Variants in MN1 observed in about 807,000 individuals in gnomAD.
The protein encoded by MN1 is transcriptional activator MN1.
Under a neutral mutation model 86.9 loss-of-function variants are expected in MN1, and 19 were observed. That is an observed-to-expected ratio of 0.22 (90% confidence interval 0.15 to 0.32). MN1 has a LOEUF of 0.32. Ranked by LOEUF, MN1 falls within the 10% of genes least tolerant of loss-of-function variation. MN1 has a pLI of 1.00. For missense variants in MN1, 1,841 were observed against 1,862.0 expected, an observed-to-expected ratio of 0.99 and a Z score of 0.21; for synonymous variants, 928 against 849.6, an observed-to-expected ratio of 1.09 and a Z score of -1.60.
intron 1 of MN1, among the ~76,000 whole-genome samples, chr22:27,776,801 T>C (rs1265077238): frequency 2.6e-5 from 4 of 152,120 alleles, no homozygotes; most frequent in African/African-American, 9.7e-5. Flanking sequence ...CCTGGTCATC[T>C]GGGGTTAAGA....
rs375912597 is a variant in MN1 at position 27,777,832 on chromosome 22, C to T, written c.3781+18931G>A. On this transcript the variant is annotated intron_variant, in intron 1 of 1. Transcript: ENST00000302326. ...CGGAGGATGCAATGAGCCGAGATCA[C>T]GCCACTGCACTCCAGCCTGGGCCAC... 8.9e-4 allele frequency among the ~76,000 whole-genome samples: 135 copies of T among 151,074 alleles called. 4 individuals are homozygous for T. In the South Asian group the frequency reaches 0.028, roughly 31 times the overall value.
In MN1 at chr22:27,797,933, C is replaced by T. The variant is rs759248065; in HGVS notation, c.2611G>A (p.Ala871Thr). Residue 871 changes from alanine (A) to threonine (T), a missense_variant, in exon 1 of 2, where the codon GCC (alanine) becomes ACC (threonine). Ala to Thr is a moderately conservative substitution (Grantham distance 58, BLOSUM62 0). Transcript: ENST00000302326. ...SQNETDGAAV[A>T]GNPGSDYFPG... ...AAGTAATCCGAGCCCGGGTTGCCGG[C>T]CACTGCCGCGCCGTCGGTCTCGTTC... 6.3e-7 allele frequency: 1 copy of T among 1,599,124 alleles called. No individual in the cohort carries two copies. The highest frequency in any genetic ancestry group is 1.1e-5 in the South Asian group (1 of 89,432).
intron 1 of MN1, among the ~76,000 whole-genome samples, chr22:27,774,447 GT>G (rs1478391430): frequency 6.6e-6 from 1 of 152,164 alleles, no homozygotes; most frequent in Non-Finnish European, 1.5e-5. Context: ...ACAGCCCCAG[GT>G]CGGAGGTCCA....
Position 27,800,888 on chromosome 22 carries a change from A to T in MN1, c.-345T>A. ...CGCGGATGAACGGAGACAAAAAGTT[A>T]AGTGGGGGGAATGGGGAGGGAAGGG... On this transcript the variant is annotated 5_prime_UTR_variant, in exon 1 of 2. Transcript: ENST00000302326. 2.7e-6 allele frequency: 1 copy of T among 363,924 alleles called. No homozygotes were observed. The highest frequency in any genetic ancestry group is 5.1e-6 in the Non-Finnish European group (1 of 196,512). 22.5% of individuals were successfully genotyped at this position (363,924 alleles called of 1,614,324 possible). A position where few individuals can be genotyped will look rare whatever the true frequency, so the allele number is the denominator to read the frequency against.
chr22:27,797,474 G>A lies in MN1; in HGVS notation c.3070C>T (p.Leu1024Phe). Residue 1024 changes from leucine (L) to phenylalanine (F), a missense_variant, in exon 1 of 2, where the codon CTC (leucine) becomes TTC (phenylalanine). By Grantham distance (22) the Leu-to-Phe change is conservative (BLOSUM62 0). Coordinates refer to ENST00000302326, the MANE Select transcript of MN1 (RefSeq NM_002430.3). Reference sequence around the variant, plus strand: ...GCCCCGCCGTCCAGGGACCCAATGAGGTCCGGCTGATCCCCCAGGAGCAAC... The same window carrying A: ...GCCCCGCCGTCCAGGGACCCAATGAAGTCCGGCTGATCCCCCAGGAGCAAC... ...AELLLGDQPD[L>F]IGSLDGGAKS... is the part of the protein sequence containing the mutation. 1.3e-6 allele frequency: 2 copies of A among 1,598,134 alleles called. No individual in the cohort carries two copies. The highest frequency in any genetic ancestry group is 1.7e-6 in the Non-Finnish European group (2 of 1,172,068).
At chr22:27,792,317 CATATATATATATATATATATATAT>C (rs36207111) in intron 1 of MN1, among the ~76,000 whole-genome samples, 2 of 114,046 alleles carry the variant, frequency 1.8e-5, no homozygotes, top group Non-Finnish European at 3.8e-5. Context: ...ATAAAAATTG[CATATATATATATATATATATATAT>C]ATATATATAT....
intron 1 of MN1, among the ~76,000 whole-genome samples, chr22:27,761,878 C>A (rs1346570242): frequency 6.6e-6 from 1 of 152,150 alleles, no homozygotes. Flanking sequence ...GAGAACTGGC[C>A]GAGGGCTCCA....
At position 27,800,773 on chromosome 22, in the gene MN1, G is replaced by A; in HGVS notation, c.-230C>T. ...GGGGAGGGCCTCTCACATCTTGCGAGGCCGCGGGGCCTCTAGGAGCCGTGT... is the reference window on the plus strand; with the variant it reads ...GGGGAGGGCCTCTCACATCTTGCGAAGCCGCGGGGCCTCTAGGAGCCGTGT... On this transcript the variant is annotated 5_prime_UTR_variant, in exon 1 of 2. Transcript: ENST00000302326. 1 of 598,936 alleles carries A rather than the reference G, an allele frequency of 1.7e-6. No individual in the cohort carries two copies. The highest frequency in any genetic ancestry group is 2.9e-6 in the Non-Finnish European group (1 of 343,378). The allele number at this position is 598,936 out of a possible 1,614,324, so 37.1% of individuals were successfully genotyped here.
In MN1 at chr22:27,799,920, G is replaced by T; in HGVS notation, c.624C>A (p.Ser208=). Residue 208 remains serine (S), a synonymous_variant, in exon 1 of 2, where the codon TCC becomes TCA. Coordinates refer to ENST00000302326, the MANE Select transcript of MN1 (RefSeq NM_002430.3). ...NRAASFHGLP[S]SSGSDSHSLE... is the part of the protein sequence containing the mutation. Reference sequence around the variant, plus strand: ...GACTGTGGGAATCGGAGCCGCTGGAGGACGGCAGGCCGTGGAAGGAGGCGG... The same window carrying T: ...GACTGTGGGAATCGGAGCCGCTGGATGACGGCAGGCCGTGGAAGGAGGCGG... 6.2e-7 allele frequency: 1 copy of T among 1,603,388 alleles called. No individual in the cohort carries two copies.
At chr22:27,783,388 TC>T (rs1933080145) in intron 1 of MN1, among the ~76,000 whole-genome samples, 1 of 152,180 alleles carries the variant, frequency 6.6e-6, no homozygotes, top group South Asian at 2.1e-4. Context: ...TGCCTCAGCT[TC>T]CCAAAGTGCT....
In MN1 at chr22:27,800,045, G is replaced by T; in HGVS notation, c.499C>A (p.Pro167Thr). ...AESQGPESFGPQRPGNLPDFH... is the reference protein window; with the variant it reads ...AESQGPESFGTQRPGNLPDFH... ...TCCGGGAGGTTCCCCGGTCGCTGCG[G>T]GCCGAAGCTCTCAGGCCCCTGGCTC... The change falls in exon 1 of 2, where the codon CCG becomes ACG. Residue 167 changes from proline to threonine, a missense_variant. Physicochemically the swap from Pro to Thr is conservative, Grantham distance 38 (BLOSUM62 -1). Transcript: ENST00000302326. The T allele has an allele frequency of 6.2e-7, 1 of 1,602,270 alleles. No individual in the cohort carries two copies. The highest frequency in any genetic ancestry group is 8.5e-7 in the Non-Finnish European group (1 of 1,179,262).
At chr22:27,764,177 T>A (rs1218253996) in intron 1 of MN1, among the ~76,000 whole-genome samples, 1 of 152,154 alleles carries the variant, frequency 6.6e-6, no homozygotes, top group Non-Finnish European at 1.5e-5. Context: ...CGAGAATCCA[T>A]CAAAATTAAT....
At position 27,799,612 on chromosome 22, in the gene MN1, C is replaced by T. The variant is rs1217475664; in HGVS notation, c.932G>A (p.Gly311Asp). 6.5e-7 allele frequency: 1 copy of T among 1,542,184 alleles called. No individual in the cohort carries two copies. Among genetic ancestry groups the T allele is most frequent in the Non-Finnish European group, 8.7e-7 (1 of 1,142,880 alleles). ...CCCACTGAACCTCTCAAAGAACACA[C>T]CATGCTGCTGCTGCTGCTGCTGGGG... ...QQPQQQQQQHGVFFERFSGAR... is the reference protein window; with the variant it reads ...QQPQQQQQQHDVFFERFSGAR... Residue 311 changes from glycine to aspartate, a missense_variant, in exon 1 of 2, where the codon GGT becomes GAT. By Grantham distance (94) the Gly-to-Asp change is moderately conservative. Coordinates refer to ENST00000302326, the MANE Select transcript of MN1 (RefSeq NM_002430.3).
At chr22:27,794,897 AG>A (rs1340922416) in intron 1 of MN1, among the ~76,000 whole-genome samples, 1 of 145,838 alleles carries the variant, frequency 6.9e-6, no homozygotes, top group African/African-American at 2.5e-5. Context: ...GAGGATGAGA[AG>A]GGGAAGGGGG....
chr22:27,772,474 G>C (rs900599925), intron 1 of MN1, among the ~76,000 whole-genome samples: 3 of 152,174 alleles, frequency 2.0e-5, no homozygotes, highest in Admixed American at 1.3e-4. Context: ...CAAGTGTGAC[G>C]AAGTACAGTC....
intron 1 of MN1, among the ~76,000 whole-genome samples, chr22:27,787,680 G>A (rs1035155925): frequency 6.6e-6 from 1 of 152,236 alleles, no homozygotes; most frequent in Non-Finnish European, 1.5e-5. Flanking sequence ...AAGCCTTAGT[G>A]GCCACCTTAC....
chr22:27,799,158 C>G lies in MN1; in HGVS notation c.1386G>C (p.Pro462=). The G allele has an allele frequency of 6.2e-7, 1 of 1,606,202 alleles. No individual in the cohort carries two copies. Among genetic ancestry groups the G allele is most frequent in the Non-Finnish European group, 8.5e-7 (1 of 1,174,552 alleles). The change falls in exon 1 of 2, where the codon CCG becomes CCC. Residue 462 remains proline (P), a synonymous_variant. Coordinates refer to ENST00000302326, the MANE Select transcript of MN1 (RefSeq NM_002430.3). ...CGCAGCGGTCCACTCCCGCGCTGCCCGGAAAGTCGAAGCGCGGCCTCTTGG... is the reference window on the plus strand; with the variant it reads ...CGCAGCGGTCCACTCCCGCGCTGCCGGGAAAGTCGAAGCGCGGCCTCTTGG... ...NVAKRPRFDF[P]GSAGVDRCAS... is the part of the protein sequence containing the mutation.
Position 27,798,546 on chromosome 22 carries a change from A to AG in MN1, c.1997dup (p.Pro667SerfsTer124). ...GCACCCCCGAGCCACCAGGCGGAGG[A>AG]GGGGGCGCCAGGCTGGGGTCGTGCG... On this transcript the variant is annotated frameshift_variant, in exon 1 of 2. Transcript: ENST00000302326. LOFTEE classifies it high-confidence loss of function. The AG allele has an allele frequency of 6.6e-7, 1 of 1,516,570 alleles. No individual in the cohort carries two copies. The highest frequency in any genetic ancestry group is 8.8e-7 in the Non-Finnish European group (1 of 1,142,342). 93.9% of individuals were successfully genotyped at this position (1,516,570 alleles called of 1,614,324 possible).
At position 27,797,616 on chromosome 22, in the gene MN1, T is replaced by A. The variant is rs1467690488; in HGVS notation, c.2928A>T (p.Pro976=). 2 of 1,594,670 alleles carry A rather than the reference T, an allele frequency of 1.3e-6. No homozygotes were observed. The highest frequency in any genetic ancestry group is 2.7e-5 in the African/African-American group (2 of 74,346). The change falls in exon 1 of 2, where the codon CCA becomes CCT. Residue 976 remains proline (P), a synonymous_variant. Transcript: ENST00000302326. ...PDSGGAPGVS[P]GQQQASGAAV... Reference sequence around the variant, plus strand: ...CTGCGCCTGACGCTTGCTGCTGCCCTGGGCTCACCCCAGGTGCGCCCCCGC... The same window carrying A: ...CTGCGCCTGACGCTTGCTGCTGCCCAGGGCTCACCCCAGGTGCGCCCCCGC...
Sources: gnomAD v4.1 joint callset for allele counts (sites outside exome capture counted in the v4.1 genomes callset) on GRCh38, gnomAD v4.1.1 for gene constraint, MANE v1.5 for transcripts, NCBI Gene and HGNC (gene_info 2026-07-23, HGNC 2026-07-21) for gene names.